Variants in TCP11L2 observed in about 807,000 individuals in gnomAD.
TCP11L2 encodes the protein T-complex protein 11-like protein 2.
A neutral mutation model predicts 50.7 loss-of-function variants in TCP11L2; 39 were observed. The observed-to-expected ratio is 0.77, with a 90% CI of 0.60 to 1.01. TCP11L2 has a LOEUF of 1.01. Among genes scored for constraint, TCP11L2 ranks in the 50% least tolerant of loss-of-function variants. The pLI is 0.00. For missense variants in TCP11L2, 612 were observed against 614.7 expected (o/e 1.00, Z 0.05); for synonymous variants, 192 against 219.3 (o/e 0.88, Z 1.10).
chr12:106,336,001 TC>T, intron 7 of TCP11L2, 30 bp from the exon 8 acceptor site: 1 of 1,544,832 alleles, frequency 6.5e-7, no homozygotes. Flanking sequence ...AGCTACCCTT[TC>T]TATTTTTATA....
At chr12:106,341,955 G>T (rs1275880757) in intron 9 of TCP11L2, among the ~76,000 whole-genome samples, 1 of 152,176 alleles carries the variant, frequency 6.6e-6, no homozygotes, top group African/African-American at 2.4e-5. Context: ...AGCCAAGGAA[G>T]AGTCAGTTTT....
intron 1 of TCP11L2, 39 bp downstream of exon 1, chr12:106,302,980 G>A (rs1236394048): frequency 2.6e-5 from 4 of 152,424 alleles, no homozygotes; most frequent in Non-Finnish European, 5.9e-5. Context: ...CCGGCTCGGA[G>A]GTGACCGGCC....
chr12:106,345,757 G>A (rs914783753), intron 9 of TCP11L2, among the ~76,000 whole-genome samples: 4 of 152,124 alleles, frequency 2.6e-5, no homozygotes, highest in Admixed American at 6.5e-5. Context: ...TGAGGCGACC[G>A]GGTGGCTCTT....
intron 6 of TCP11L2, 114 bp downstream of exon 6, chr12:106,323,760 T>C: frequency 2.2e-6 from 1 of 455,250 alleles, no homozygotes; most frequent in Non-Finnish European, 3.3e-6. Context: ...ATAAATAAAA[T>C]TTAATTTAAT....
chr12:106,305,313 TAAG>T (rs1487837258), intron 1 of TCP11L2, among the ~76,000 whole-genome samples: 1 of 152,020 alleles, frequency 6.6e-6, no homozygotes, highest in Non-Finnish European at 1.5e-5. Flanking sequence ...ACCTCAATAA[TAAG>T]CACTCAATTA....
rs116080387 is a variant in TCP11L2 at position 106,311,018 on chromosome 12, G to A, written c.-35-23G>A. On this transcript the variant is annotated intron_variant, in intron 1 of 9. Transcript: ENST00000299045. Reference sequence around the variant, plus strand: ...TGTGGAAGTACCACAGAACATTGACGCAGGGTCTGTTTGTCTGTGCAGGTG... The same window carrying A: ...TGTGGAAGTACCACAGAACATTGACACAGGGTCTGTTTGTCTGTGCAGGTG... 1.3e-3 allele frequency: 2,069 copies of A among 1,576,464 alleles called. 32 individuals carry two copies. The African/African-American group carries it at 0.025, about 19-fold the overall frequency.
intron 6 of TCP11L2, chr12:106,330,074 T>G: frequency 1.0e-6 from 1 of 985,456 alleles, no homozygotes; most frequent in Non-Finnish European, 1.2e-6. Context: ...AAATGTATAA[T>G]TGTATAAGAA....
intron 5 of TCP11L2, among the ~76,000 whole-genome samples, chr12:106,323,024 AT>A (rs2035398235): frequency 6.6e-6 from 1 of 152,226 alleles, no homozygotes. Context: ...TCTTTCACAG[AT>A]GAGGAAACTG....
At chr12:106,312,153 T>C (rs1393033194) in intron 2 of TCP11L2, 3 of 358,034 alleles carry the variant, frequency 8.4e-6, no homozygotes, top group Admixed American at 4.0e-5. Flanking sequence ...CATTTACTCA[T>C]GATTACATGT....
intron 2 of TCP11L2, 127 bp from the exon 3 acceptor site, chr12:106,314,231 A>T: frequency 1.1e-6 from 1 of 898,900 alleles, no homozygotes; most frequent in Non-Finnish European, 1.6e-6. Flanking sequence ...TTTAATATAT[A>T]GTCTCCTGAC....
chr12:106,326,752 C>G (rs1169100901), intron 6 of TCP11L2, among the ~76,000 whole-genome samples: 1 of 152,176 alleles, frequency 6.6e-6, no homozygotes, highest in African/African-American at 2.4e-5. Context: ...AACCCTGCCT[C>G]TCTTCAAACA....
intron 8 of TCP11L2, among the ~76,000 whole-genome samples, chr12:106,338,925 G>A (rs1047774843): frequency 6.6e-6 from 1 of 152,246 alleles, no homozygotes; most frequent in African/African-American, 2.4e-5. Context: ...CAGATCACTT[G>A]AGGTCAGGAG....
chr12:106,310,140 G>T (rs1462377507), intron 1 of TCP11L2, among the ~76,000 whole-genome samples: 1 of 152,144 alleles, frequency 6.6e-6, no homozygotes, highest in African/African-American at 2.4e-5. Context: ...TCTGGGTAGT[G>T]TCCAAACCTG....
chr12:106,318,896 ATTTTTT>A (rs1181792658), intron 4 of TCP11L2, among the ~76,000 whole-genome samples: 1 of 85,488 alleles, frequency 1.2e-5, no homozygotes, highest in African/African-American at 3.7e-5. Context: ...ATTTTATTTT[ATTTTTT>A]TTTTTTTTTT....
Position 106,346,453 on chromosome 12 carries a change from T to C in TCP11L2, c.1483T>C (p.Tyr495His), listed in dbSNP as rs748313205. The C allele has an allele frequency of 6.2e-7, 1 of 1,614,200 alleles. No homozygotes were observed. The highest frequency in any genetic ancestry group is 1.1e-5 in the South Asian group (1 of 91,080). The stretch of plus-strand genomic sequence containing the variant: ...CAACAAACAAGTGTATGGACCATTT[T>C]ATGCAAATATACTTCGAAAGCTGCT... ...NLNKQVYGPF[Y>H]ANILRKLLFN... Residue 495 changes from tyrosine to histidine, a missense_variant, in exon 10 of 10, where the codon TAT becomes CAT. Physicochemically the swap from Tyr to His is moderately conservative, Grantham distance 83. Transcript: ENST00000299045.
rs759212901 is a variant in TCP11L2 at position 106,318,334 on chromosome 12, A to G, written c.294-10A>G. On this transcript the variant is annotated splice_polypyrimidine_tract_variant and intron_variant, in intron 3 of 9. Transcript: ENST00000299045. ...CTTATTTTAAAAAACAATTCATTTT[A>G]TTGCCATAGTTTGGCTGGTCGAGTG... 4 of 1,609,460 alleles carry G rather than the reference A, an allele frequency of 2.5e-6. No individual in the cohort carries two copies. The highest frequency in any genetic ancestry group is 3.4e-6 in the Non-Finnish European group (4 of 1,177,640).
At chr12:106,344,287 A>T (rs2036171235) in intron 9 of TCP11L2, among the ~76,000 whole-genome samples, 1 of 152,128 alleles carries the variant, frequency 6.6e-6, no homozygotes, top group African/African-American at 2.4e-5. Context: ...GTCCATTCTC[A>T]CTTAAGTTCA....
rs751702212 is a variant in TCP11L2, at chr12:106,314,342, TTTG to T, written c.158-13_158-11del. The T allele has an allele frequency of 8.8e-6, 14 of 1,593,098 alleles. No homozygotes were observed. The Admixed American group carries it at 1.0e-4, about 12-fold the overall frequency. On this transcript the variant is annotated splice_polypyrimidine_tract_variant and intron_variant, in intron 2 of 9. Transcript: ENST00000299045. ...TTTTCTTCTGCAACATTAACTGGCT[TTTG>T]TTTTTCTTTCAGCAACAAGCCCTCC...
chr12:106,329,274 C>T, intron 6 of TCP11L2: 2 of 1,534,534 alleles, frequency 1.3e-6, no homozygotes, highest in South Asian at 1.2e-5. Context: ...AGTAGGTGCC[C>T]AGTGGTTTTC....
Sources: gnomAD v4.1 joint callset for allele counts (sites outside exome capture counted in the v4.1 genomes callset) on GRCh38, gnomAD v4.1.1 for gene constraint, MANE v1.5 for transcripts, NCBI Gene and HGNC (gene_info 2026-07-23, HGNC 2026-07-21) for gene names.